Variants in PCDHGA2 observed in about 807,000 individuals in gnomAD.
PCDHGA2 encodes protocadherin gamma subfamily A, 2, also known as protocadherin gamma-A2.
In PCDHGA2, 40 loss-of-function variants were observed where a neutral mutation model predicts 59.2. The ratio of observed to expected loss-of-function variants is 0.68; its 90% CI spans 0.52 to 0.88. The LOEUF is 0.88. Among genes scored for constraint, PCDHGA2 ranks in the 40% least tolerant of loss-of-function variants. PCDHGA2 has a pLI of 0.00. For synonymous variants in PCDHGA2, 560 were observed against 526.0 expected (o/e 1.06, Z -0.89); for missense variants, 1,226 against 1,204.0 (o/e 1.02, Z -0.27).
At chr5:141,473,974 C>A (rs958240236) in intron 1 of PCDHGA2, among the ~76,000 whole-genome samples, 1 of 152,054 alleles carries the variant, frequency 6.6e-6, no homozygotes, top group Non-Finnish European at 1.5e-5. Flanking sequence ...AAGTCTGAGG[C>A]GGGAGGATCC....
intron 1 of PCDHGA2, chr5:141,376,127 G>T (rs1331529697): frequency 3.7e-6 from 6 of 1,613,710 alleles, no homozygotes; most frequent in Non-Finnish European, 5.1e-6. Flanking sequence ...CGAGCCCTCC[G>T]CCAAACCCAA....
intron 1 of PCDHGA2, chr5:141,413,580 A>G (rs1216926250): frequency 5.0e-6 from 8 of 1,613,804 alleles, no homozygotes; most frequent in Non-Finnish European, 1.7e-6. Context: ...ACAATGCTCC[A>G]AAATTCCAAG....
rs146299808 is a variant in PCDHGA2 at position 141,350,246 on chromosome 5, C to G, written c.2424+8851C>G. 2.8e-5 allele frequency: 42 copies of G among 1,506,060 alleles called. No individual in the cohort carries two copies. The East Asian group carries it at 8.2e-4, about 30-fold the overall frequency. The allele number at this position is 1,506,060 out of a possible 1,614,324, so 93.3% of individuals were successfully genotyped here. A position where few individuals can be genotyped will look rare whatever the true frequency, so the allele number is the denominator to read the frequency against. ...AACATCCCAGAGGAAAGAAGCTCCG[C>G]GGAGAGTTCCTGAAATGCAGAGAGC... On this transcript the variant is annotated intron_variant, in intron 1 of 3. Transcript: ENST00000394576.
rs374253072 is a variant in PCDHGA2, at chr5:141,476,894, G to A, written c.2425-17913G>A. ...GCGCGTCCTGGAGGATGCACCCTCCGGCACGCGCGTGGTACAAGTCCTTGC... is the reference window on the plus strand; with the variant it reads ...GCGCGTCCTGGAGGATGCACCCTCCAGCACGCGCGTGGTACAAGTCCTTGC... On this transcript the variant is annotated intron_variant, in intron 1 of 3. Transcript: ENST00000394576. The surrounding 1 kb of genome is among the most constrained non-coding windows in gnomAD (Gnocchi z 7.6). 48 of 1,613,834 alleles carry A rather than the reference G, an allele frequency of 3.0e-5. No homozygotes were observed. In the African/African-American group the frequency reaches 5.6e-4, roughly 19 times the overall value.
chr5:141,339,047 G>A lies in PCDHGA2; in HGVS notation c.76G>A (p.Ala26Thr), dbSNP rs760227375. The part of the protein sequence containing the change: ...LCFLLATLWE[A>T]RAGQIRYSVR... The stretch of plus-strand genomic sequence containing the variant: ...CTTCCTTTTGGCGACCCTGTGGGAG[G>A]CCAGGGCCGGGCAGATTCGCTATTC... The change falls in exon 1 of 4, where the codon GCC becomes ACC. Residue 26 changes from alanine to threonine, a missense_variant. Coordinates refer to ENST00000394576, the MANE Select transcript of PCDHGA2 (RefSeq NM_018915.4). The A allele has an allele frequency of 6.2e-7, 1 of 1,610,298 alleles. No homozygotes were observed. The highest frequency in any genetic ancestry group is 2.2e-5 in the East Asian group (1 of 44,798).
At chr5:141,458,080 C>T (rs62379190) in intron 1 of PCDHGA2, among the ~76,000 whole-genome samples, 5,138 of 152,230 alleles carry the variant, frequency 0.034, 100 homozygotes, top group Middle Eastern at 0.088. Flanking sequence ...ACTATATTGC[C>T]GTAAGTTAAG....
rs769909773 is a variant in PCDHGA2 at position 141,476,732 on chromosome 5, C to T, written c.2425-18075C>T. The T allele has an allele frequency of 8.7e-6, 14 of 1,614,096 alleles. No homozygotes were observed. Among genetic ancestry groups the T allele is most frequent in the Non-Finnish European group, 1.1e-5 (13 of 1,180,030 alleles). ...GTTGGAGCGCGCCCTGGACCGAGAA[C>T]GGGAGCCTAGTCTCCAGTTAGTGCT... is the stretch of plus-strand genomic sequence containing the variant. On this transcript the variant is annotated intron_variant, in intron 1 of 3. Coordinates refer to ENST00000394576, the MANE Select transcript of PCDHGA2 (RefSeq NM_018915.4). The surrounding 1 kb of genome is among the most constrained non-coding windows in gnomAD (Gnocchi z 7.6).
chr5:141,453,930 T>G (rs944390811), intron 1 of PCDHGA2, among the ~76,000 whole-genome samples: 10 of 152,242 alleles, frequency 6.6e-5, no homozygotes, highest in Non-Finnish European at 1.0e-4. Flanking sequence ...AGTCACTGTG[T>G]GCCTATAATT....
In PCDHGA2 at chr5:141,338,897, C is replaced by G; in HGVS notation, c.-75C>G. 1 of 1,484,202 alleles carries G rather than the reference C, an allele frequency of 6.7e-7. No individual in the cohort carries two copies. Among genetic ancestry groups the G allele is most frequent in the East Asian group, 2.4e-5 (1 of 42,382 alleles). 91.9% of individuals were successfully genotyped at this position (1,484,202 alleles called of 1,614,324 possible). On this transcript the variant is annotated 5_prime_UTR_variant, in exon 1 of 4. Transcript: ENST00000394576. Reference sequence around the variant, plus strand: ...GGTCCCGTGAATGCTGGTTATCTCACACCCTGAGGAATAAAGATTGGAATC... The same window carrying G: ...GGTCCCGTGAATGCTGGTTATCTCAGACCCTGAGGAATAAAGATTGGAATC...
At chr5:141,344,062 G>A in intron 1 of PCDHGA2, 2 of 1,572,912 alleles carry the variant, frequency 1.3e-6, no homozygotes, top group Non-Finnish European at 1.7e-6. Context: ...TTCCGAAATG[G>A]CAGAGGACTG....
At chr5:141,422,296 A>T (rs200545713) in intron 1 of PCDHGA2, 6 of 1,550,706 alleles carry the variant, frequency 3.9e-6, no homozygotes, top group Non-Finnish European at 4.3e-6. Context: ...TATTAATTCA[A>T]TTCTGGAAAA....
At chr5:141,365,765 C>T (rs1446100014) in intron 1 of PCDHGA2, 3 of 1,613,848 alleles carry the variant, frequency 1.9e-6, no homozygotes, top group African/African-American at 1.3e-5. Context: ...AGCCCATGAC[C>T]CCGACAGCGG....
chr5:141,388,647 G>A lies in PCDHGA2; in HGVS notation c.2424+47252G>A, dbSNP rs778996768. ...ATACAGGGTGAGCCTTTCAGAAAAC[G>A]TGTACCCGGGGACCACGGTGCTACA... On this transcript the variant is annotated intron_variant, in intron 1 of 3. Coordinates refer to ENST00000394576, the MANE Select transcript of PCDHGA2 (RefSeq NM_018915.4). The A allele has an allele frequency of 6.8e-6, 11 of 1,613,892 alleles. No homozygotes were observed. The Admixed American group carries it at 1.0e-4, about 15-fold the overall frequency.
At chr5:141,376,047 C>G (rs778307171) in intron 1 of PCDHGA2, 2 of 1,613,296 alleles carry the variant, frequency 1.2e-6, no homozygotes, top group South Asian at 2.2e-5. Flanking sequence ...CCCCCTCTCT[C>G]CGCCACTGTC....
rs200945171 is a variant in PCDHGA2, at chr5:141,339,962, G to A, written c.991G>A (p.Ala331Thr). 4 of 1,614,152 alleles carry A rather than the reference G, an allele frequency of 2.5e-6. No homozygotes were observed. The highest frequency in any genetic ancestry group is 1.7e-5 in the Admixed American group (1 of 60,022). The part of the protein sequence containing the change: ...AQDGPGLLTR[A>T]KVIVTVLDVN... The stretch of plus-strand genomic sequence containing the variant: ...GGATGGTCCGGGCCTTCTAACCAGA[G>A]CGAAGGTTATCGTCACGGTTCTGGA... The change falls in exon 1 of 4, where the codon GCG (alanine) becomes ACG (threonine). Residue 331 changes from alanine (A) to threonine (T), a missense_variant. Physicochemically the swap from Ala to Thr is moderately conservative, Grantham distance 58 (BLOSUM62 0). Coordinates refer to ENST00000394576, the MANE Select transcript of PCDHGA2 (RefSeq NM_018915.4).
chr5:141,374,569 G>A, intron 1 of PCDHGA2: 2 of 1,613,666 alleles, frequency 1.2e-6, no homozygotes, highest in African/African-American at 1.3e-5. Context: ...ACCCTGATGT[G>A]GGAATGAACT....
In PCDHGA2 at chr5:141,370,457, G is replaced by T. The variant is rs774974710; in HGVS notation, c.2424+29062G>T. 2.5e-6 allele frequency: 4 copies of T among 1,611,872 alleles called. No homozygotes were observed. In the South Asian group the frequency reaches 4.4e-5, roughly 18 times the overall value. ...AGAGGCGAATGCTATTTCTCTTCCT[G>T]CTCTCTTTGTTAGACCAGGCTCTCT... On this transcript the variant is annotated intron_variant, in intron 1 of 3. Transcript: ENST00000394576.
intron 1 of PCDHGA2, chr5:141,352,153 G>A: frequency 1.2e-6 from 2 of 1,612,760 alleles, no homozygotes; most frequent in Non-Finnish European, 1.7e-6. Context: ...TGGGCGACAG[G>A]GACGCGGCCC....
In PCDHGA2 at chr5:141,490,507, G is replaced by C; in HGVS notation, c.2425-4300G>C. 1 of 1,614,016 alleles carries C rather than the reference G, an allele frequency of 6.2e-7. No individual in the cohort carries two copies. Among genetic ancestry groups the C allele is most frequent in the Non-Finnish European group, 8.5e-7 (1 of 1,180,002 alleles). On this transcript the variant is annotated intron_variant, in intron 1 of 3. Transcript: ENST00000394576. The surrounding 1 kb of genome is among the most constrained non-coding windows in gnomAD (Gnocchi z 5.4). ...GGAGGCCACATCCCACTATATCATCGAGCTGCTGGCCAGCGATGCTGGTTC... is the reference window on the plus strand; with the variant it reads ...GGAGGCCACATCCCACTATATCATCCAGCTGCTGGCCAGCGATGCTGGTTC...
Sources: gnomAD v4.1 joint callset for allele counts (sites outside exome capture counted in the v4.1 genomes callset) on GRCh38, gnomAD v4.1.1 for gene constraint, Gnocchi (gnomAD v3.1) non-coding constraint, MANE v1.5 for transcripts, NCBI Gene and HGNC (gene_info 2026-07-23, HGNC 2026-07-21) for gene names.